Variants in KIAA1549L observed in about 807,000 individuals in gnomAD.
KIAA1549L encodes UPF0606 protein KIAA1549L.
Under a neutral mutation model 160.7 loss-of-function variants are expected in KIAA1549L, and 88 were observed. The ratio of observed to expected loss-of-function variants is 0.55; its 90% CI spans 0.46 to 0.65. The LOEUF (loss-of-function observed/expected upper bound fraction) is 0.65, where lower values mean the gene tolerates loss of function less well. KIAA1549L is among the 30% of genes least tolerant of loss of function. The pLI, the probability that KIAA1549L is intolerant of heterozygous loss-of-function variation, is 0.00. For synonymous variants in KIAA1549L, 950 were observed against 976.7 expected, an observed-to-expected ratio of 0.97 and a Z score of 0.51; for missense variants, 2,258 against 2,437.5, an observed-to-expected ratio of 0.93 and a Z score of 1.55.
chr11:33,419,281 AG>A (rs1850949951), intron 1 of KIAA1549L, among the ~76,000 whole-genome samples: 2 of 152,244 alleles, frequency 1.3e-5, no homozygotes, highest in African/African-American at 2.4e-5. Context: ...AAGCTTTATG[AG>A]AATTGAGTAA....
intron 13 of KIAA1549L, among the ~76,000 whole-genome samples, chr11:33,600,647 C>A (rs1850333695): frequency 6.6e-6 from 1 of 151,956 alleles, no homozygotes; most frequent in Non-Finnish European, 1.5e-5. Flanking sequence ...GCCCCACTCA[C>A]CCACCCCAGT....
Position 33,606,792 on chromosome 11 carries a change from C to A in KIAA1549L, c.5031C>A (p.Ser1677Arg), listed in dbSNP as rs1471102564. ...TGGTGCCCCCCACCTCGGACAGGAG[C>A]CAGGAGTCATCGGCAGTCCTCAACG... ...LPMVPPTSDR[S>R]QESSAVLNGE... The change falls in exon 14 of 21, where the codon AGC becomes AGA. Residue 1677 changes from serine to arginine, a missense_variant. Ser to Arg is a moderately radical substitution (Grantham distance 110). This residue lies in a region of KIAA1549L where 1,359 missense variants were observed against 1,546.6 expected (regional missense o/e 0.88). Transcript: ENST00000658780. 6.2e-7 allele frequency: 1 copy of A among 1,612,196 alleles called. No homozygotes were observed. The highest frequency in any genetic ancestry group is 8.5e-7 in the Non-Finnish European group (1 of 1,179,172).
chr11:33,590,863 T>G (rs1472381838), intron 11 of KIAA1549L, among the ~76,000 whole-genome samples: 6 of 152,236 alleles, frequency 3.9e-5, no homozygotes, highest in Non-Finnish European at 8.8e-5. Flanking sequence ...CAAACATTTC[T>G]AGGCAGGAGG....
At chr11:33,518,457 C>T (rs1853406952) in intron 1 of KIAA1549L, among the ~76,000 whole-genome samples, 1 of 152,154 alleles carries the variant, frequency 6.6e-6, no homozygotes, top group Non-Finnish European at 1.5e-5. Context: ...TTAACTTTCT[C>T]TTTGAGTTCA....
chr11:33,560,825 C>T (rs992332644), intron 7 of KIAA1549L, among the ~76,000 whole-genome samples: 7 of 152,058 alleles, frequency 4.6e-5, no homozygotes, highest in African/African-American at 1.7e-4. Flanking sequence ...CACATGGCAG[C>T]CACTCAGAAT....
At chr11:33,480,831 C>A (rs957611778) in intron 1 of KIAA1549L, among the ~76,000 whole-genome samples, 1 of 152,164 alleles carries the variant, frequency 6.6e-6, no homozygotes, top group Non-Finnish European at 1.5e-5. Flanking sequence ...AGTTTCCTAG[C>A]AGCCATGTGT....
At chr11:33,562,967 C>T (rs1401387028) in intron 8 of KIAA1549L, among the ~76,000 whole-genome samples, 2 of 151,934 alleles carry the variant, frequency 1.3e-5, no homozygotes, top group South Asian at 2.1e-4. Context: ...AGGTGTGAGC[C>T]GCTGTGCCTG....
chr11:33,413,557 G>A (rs1290508619), intron 1 of KIAA1549L, among the ~76,000 whole-genome samples: 4 of 151,844 alleles, frequency 2.6e-5, no homozygotes, highest in African/African-American at 9.7e-5. Flanking sequence ...ACAATCCTAA[G>A]TTAGGATTGT....
chr11:33,539,268 A>G (rs540134239), intron 1 of KIAA1549L, among the ~76,000 whole-genome samples: 1 of 152,150 alleles, frequency 6.6e-6, no homozygotes, highest in Non-Finnish European at 1.5e-5. Flanking sequence ...GTTTAATTAA[A>G]CCATCCAATA....
chr11:33,590,992 A>G (rs1420467985), intron 11 of KIAA1549L, among the ~76,000 whole-genome samples: 2 of 152,204 alleles, frequency 1.3e-5, no homozygotes, highest in Non-Finnish European at 2.9e-5. Flanking sequence ...ACCTGTTTAC[A>G]TGTTGTTTAC....
intron 4 of KIAA1549L, among the ~76,000 whole-genome samples, chr11:33,549,844 A>G (rs946035928): frequency 3.3e-5 from 5 of 152,026 alleles, no homozygotes; most frequent in Admixed American, 2.0e-4. Flanking sequence ...ATCTCTACAA[A>G]ACATATGTAA....
chr11:33,598,968 G>T (rs1334863611), intron 13 of KIAA1549L, 21 bp downstream of exon 13: 3 of 1,611,754 alleles, frequency 1.9e-6, no homozygotes, highest in South Asian at 1.1e-5. Context: ...TTCCCTCCAA[G>T]AACCACCCCC....
intron 11 of KIAA1549L, among the ~76,000 whole-genome samples, chr11:33,591,008 T>A (rs1049208283): frequency 6.6e-6 from 1 of 152,260 alleles, no homozygotes. Flanking sequence ...TTTACAGTCT[T>A]CATTTTTCTG....
intron 4 of KIAA1549L, among the ~76,000 whole-genome samples, chr11:33,549,135 G>GT (rs1854366905): frequency 6.6e-6 from 1 of 150,746 alleles, no homozygotes. Context: ...ACAGACCAGT[G>GT]TGACAATGAG....
At chr11:33,496,136 G>T (rs1005661304) in intron 1 of KIAA1549L, among the ~76,000 whole-genome samples, 2 of 152,080 alleles carry the variant, frequency 1.3e-5, no homozygotes, top group Non-Finnish European at 2.9e-5. Context: ...GCTAATTTTT[G>T]TATTTTTAGT....
chr11:33,397,492 C>G (rs927685862), intron 1 of KIAA1549L, among the ~76,000 whole-genome samples: 2 of 151,350 alleles, frequency 1.3e-5, no homozygotes, highest in African/African-American at 4.8e-5. Flanking sequence ...GGGCGGATCA[C>G]AAGGTCAGGA....
chr11:33,544,416 A>T (rs1854162412), intron 2 of KIAA1549L, 80 bp downstream of exon 2: 2 of 1,436,944 alleles, frequency 1.4e-6, no homozygotes, highest in Non-Finnish European at 1.9e-6. Context: ...AAGCATCTTC[A>T]AGCTCAACGC....
At chr11:33,621,266 A>G (rs1363427785) in intron 16 of KIAA1549L, among the ~76,000 whole-genome samples, 1 of 152,228 alleles carries the variant, frequency 6.6e-6, no homozygotes, top group Non-Finnish European at 1.5e-5. Context: ...AACAAGAGTT[A>G]TTAGGGCCTA....
chr11:33,466,098 A>G (rs549168206), intron 1 of KIAA1549L, among the ~76,000 whole-genome samples: 78 of 152,126 alleles, frequency 5.1e-4, no homozygotes, highest in African/African-American at 1.8e-3. Context: ...TTTCTCTACC[A>G]GCTGCTGCTT....
Sources: gnomAD v4.1 joint callset for allele counts (sites outside exome capture counted in the v4.1 genomes callset) on GRCh38, gnomAD v4.1.1 for gene constraint, gnomAD v4.1.1 regional missense constraint, MANE v1.5 for transcripts, NCBI Gene and HGNC (gene_info 2026-07-23, HGNC 2026-07-21) for gene names.